Variants in PDE11A observed in about 807,000 individuals in gnomAD.
The protein encoded by PDE11A is phosphodiesterase 11A, also known as dual 3',5'-cyclic-AMP and -GMP phosphodiesterase 11A.
Under a neutral mutation model 100.5 loss-of-function variants are expected in PDE11A, and 100 were observed. The observed-to-expected ratio is 1.00, with a 90% CI of 0.85 to 1.18. The LOEUF is 1.18. Ranked by LOEUF, PDE11A falls within the 50% of genes most tolerant of loss-of-function variation. The pLI is 0.00. For missense variants in PDE11A, 1,141 were observed against 1,152.6 expected, an observed-to-expected ratio of 0.99 and a Z score of 0.15; for synonymous variants, 381 against 420.8, an observed-to-expected ratio of 0.91 and a Z score of 1.16.
chr2:178,024,736 A>C (rs1383317418), intron 1 of PDE11A, among the ~76,000 whole-genome samples: 1 of 152,224 alleles, frequency 6.6e-6, no homozygotes, highest in Non-Finnish European at 1.5e-5. Context: ...ATAGATTGCC[A>C]AACTTTCTGA....
intron 2 of PDE11A, among the ~76,000 whole-genome samples, chr2:177,955,573 C>A (rs984459136): frequency 6.6e-6 from 1 of 152,174 alleles, no homozygotes; most frequent in Non-Finnish European, 1.5e-5. Flanking sequence ...AGTAGGTCTG[C>A]AATGGCCTGA....
chr2:177,849,148 T>A (rs1250436001), intron 5 of PDE11A, among the ~76,000 whole-genome samples: 1 of 152,268 alleles, frequency 6.6e-6, no homozygotes, highest in South Asian at 2.1e-4. Flanking sequence ...TTCCTTGTTG[T>A]TGAAAGAAGC....
At chr2:177,737,838 G>A (rs2081814837) in intron 10 of PDE11A, among the ~76,000 whole-genome samples, 1 of 152,206 alleles carries the variant, frequency 6.6e-6, no homozygotes. Flanking sequence ...CTTGTTTACT[G>A]TTGTGTCCTA....
intron 11 of PDE11A, 102 bp from the exon 12 acceptor site, chr2:177,727,867 G>A: frequency 1.0e-6 from 1 of 971,504 alleles, no homozygotes; most frequent in Non-Finnish European, 1.7e-6. Context: ...GTGATCAAAG[G>A]CCTTCCACAA....
intron 2 of PDE11A, among the ~76,000 whole-genome samples, chr2:177,972,852 T>C (rs557577101): frequency 3.3e-5 from 5 of 152,102 alleles, no homozygotes; most frequent in African/African-American, 1.2e-4. Context: ...AGGGTAGAGG[T>C]TGGTAGGCAC....
chr2:177,802,759 T>C (rs988739968), intron 9 of PDE11A, among the ~76,000 whole-genome samples: 1 of 151,990 alleles, frequency 6.6e-6, no homozygotes, highest in African/African-American at 2.4e-5. Flanking sequence ...ACATTTTTCC[T>C]ATTGAAAAAT....
At chr2:177,847,210 G>A (rs1215935594) in intron 5 of PDE11A, among the ~76,000 whole-genome samples, 1 of 152,154 alleles carries the variant, frequency 6.6e-6, no homozygotes, top group Non-Finnish European at 1.5e-5. Context: ...GGTCTGAGTA[G>A]GATGAAGTGG....
intron 1 of PDE11A, among the ~76,000 whole-genome samples, chr2:178,055,002 T>C (rs2086880498): frequency 6.6e-6 from 1 of 152,216 alleles, no homozygotes; most frequent in Non-Finnish European, 1.5e-5. Flanking sequence ...ACTGAGTATA[T>C]ACCCAAAGGA....
At chr2:177,858,179 A>G (rs1390999734) in intron 5 of PDE11A, among the ~76,000 whole-genome samples, 2 of 152,096 alleles carry the variant, frequency 1.3e-5, no homozygotes, top group Non-Finnish European at 1.5e-5. Flanking sequence ...TTCAGGACAT[A>G]GGCATGGGCA....
chr2:177,878,734 C>T (rs894242024), intron 4 of PDE11A, among the ~76,000 whole-genome samples: 5 of 152,162 alleles, frequency 3.3e-5, no homozygotes, highest in African/African-American at 9.7e-5. Context: ...CCATGTTGTT[C>T]TGATTCCACA....
At chr2:178,078,961 C>T (rs1360644026) in intron 2 of PDE11A, among the ~76,000 whole-genome samples, 1 of 152,032 alleles carries the variant, frequency 6.6e-6, no homozygotes, top group Non-Finnish European at 1.5e-5. Context: ...ATACAAGATA[C>T]CACTGATGAA....
chr2:177,896,091 A>T (rs2084607382), intron 4 of PDE11A, among the ~76,000 whole-genome samples: 1 of 152,192 alleles, frequency 6.6e-6, no homozygotes, highest in Non-Finnish European at 1.5e-5. Context: ...CTGCCCCAAC[A>T]TTAGTCTTAG....
intron 5 of PDE11A, among the ~76,000 whole-genome samples, chr2:177,862,039 A>G (rs1314575696): frequency 6.6e-6 from 1 of 151,864 alleles, no homozygotes; most frequent in Non-Finnish European, 1.5e-5. Flanking sequence ...TACCAAAAGC[A>G]CAAGTAACAA....
At chr2:177,827,480 G>A (rs1022428500) in intron 6 of PDE11A, among the ~76,000 whole-genome samples, 3 of 152,158 alleles carry the variant, frequency 2.0e-5, no homozygotes, top group Non-Finnish European at 4.4e-5. Flanking sequence ...TAAATGTTGA[G>A]TCCAAGTGTT....
intron 16 of PDE11A, 102 bp downstream of exon 16, chr2:177,680,724 T>C (rs563639391): frequency 3.0e-6 from 2 of 657,360 alleles, no homozygotes; most frequent in East Asian, 2.7e-5. Context: ...CTAAGATTTG[T>C]TACTTTAAAA....
chr2:177,683,670 C>T (rs2105510259), intron 15 of PDE11A, among the ~76,000 whole-genome samples: 1 of 152,252 alleles, frequency 6.6e-6, no homozygotes, highest in African/African-American at 2.4e-5. Context: ...TTCCTTTTTG[C>T]CCAATAAATT....
At position 177,830,549 on chromosome 2, in the gene PDE11A, C is replaced by T. The variant is rs182168246; in HGVS notation, c.1500+9702G>A. Among the ~76,000 whole-genome samples, 1,152 of 150,696 alleles carry T rather than the reference C, an allele frequency of 7.6e-3. 3 individuals are homozygous for T. Among genetic ancestry groups the T allele is most frequent in the Middle Eastern group, 0.014 (4 of 288 alleles). On this transcript the variant is annotated intron_variant, in intron 6 of 19. Transcript: ENST00000286063. The stretch of plus-strand genomic sequence containing the variant: ...CCAGGAGGCGGAGGTTGCAGTGAGC[C>T]GAGAATGAGCCACTGCACTCCAGCC...
intron 2 of PDE11A, among the ~76,000 whole-genome samples, chr2:177,919,551 GC>G (rs1474015684): frequency 6.6e-6 from 1 of 151,558 alleles, no homozygotes; most frequent in African/African-American, 2.4e-5. Flanking sequence ...AACTTTTAAA[GC>G]AAAAAAATGA....
At chr2:177,751,121 T>G (rs1286964244) in intron 10 of PDE11A, among the ~76,000 whole-genome samples, 1 of 98,130 alleles carries the variant, frequency 1.0e-5, no homozygotes, top group Non-Finnish European at 2.3e-5. Context: ...AGAGTCATAG[T>G]GAGTAAGAAA....
Sources: gnomAD v4.1 joint callset for allele counts (sites outside exome capture counted in the v4.1 genomes callset) on GRCh38, gnomAD v4.1.1 for gene constraint, MANE v1.5 for transcripts, NCBI Gene and HGNC (gene_info 2026-07-23, HGNC 2026-07-21) for gene names.